Variants in GRIN1 observed in about 807,000 individuals in gnomAD.
GRIN1 encodes glutamate ionotropic receptor NMDA type subunit 1, also known as glutamate receptor ionotropic, NMDA 1.
GRIN1 carries 38 observed loss-of-function variants against 103.0 expected under a neutral mutation model. The observed-to-expected ratio is 0.37, with a 90% confidence interval of 0.28 to 0.48. The LOEUF (loss-of-function observed/expected upper bound fraction) is 0.48. Ranked by LOEUF, GRIN1 falls within the 20% of genes least tolerant of loss-of-function variation. The probability of loss-of-function intolerance (pLI) is 0.98; values close to 1 mark genes in which losing one functional copy is unlikely to be tolerated. For synonymous variants in GRIN1, 544 were observed against 532.7 expected (o/e 1.02, Z -0.29); for missense variants, 577 against 1,288.9 (o/e 0.45, Z 8.46).
intron 4 of GRIN1, among the ~76,000 whole-genome samples, chr9:137,153,327 C>A (rs1433193407): frequency 1.3e-5 from 2 of 151,716 alleles, no homozygotes; most frequent in African/African-American, 2.4e-5. Context: ...ATCATCTCTA[C>A]CCACACATGC....
chr9:137,164,084 GC>G, intron 18 of GRIN1, 180 bp downstream of exon 18: 1 of 760,414 alleles, frequency 1.3e-6, no homozygotes, highest in South Asian at 1.5e-5. Flanking sequence ...GTGGGGGGCT[GC>G]CTGCAGGTGG....
At chr9:137,148,982 C>G in intron 3 of GRIN1, 27 bp from the exon 4 acceptor site, 1 of 1,552,420 alleles carries the variant, frequency 6.4e-7, no homozygotes, top group Non-Finnish European at 8.9e-7. Context: ...CCCCAGCCGC[C>G]TGCTAACACT....
chr9:137,161,514 G>T, intron 10 of GRIN1, 98 bp downstream of exon 10: 1 of 1,182,682 alleles, frequency 8.5e-7, no homozygotes, highest in African/African-American at 1.5e-5. Flanking sequence ...GCAGATGGTG[G>T]GGGGTCCTGG....
chr9:137,145,682 C>G, intron 2 of GRIN1, 44 bp from the exon 3 acceptor site: 2 of 1,553,838 alleles, frequency 1.3e-6, no homozygotes, highest in Non-Finnish European at 1.8e-6. Flanking sequence ...GAGGGCGGGT[C>G]CCCGCGGGTC....
At position 137,162,003 on chromosome 9, in the gene GRIN1, C is replaced by T; in HGVS notation, c.1547C>T (p.Pro516Leu). 6.4e-7 allele frequency: 1 copy of T among 1,557,988 alleles called. No individual in the cohort carries two copies. Among genetic ancestry groups the T allele is most frequent in the East Asian group, 2.4e-5 (1 of 41,618 alleles). ...GGGCAGGCAGACATGATCGTGGCGC[C>T]GCTAACCATAAACAACGAGCGCGCG... ...LSGQADMIVA[P>L]LTINNERAQY... Residue 516 changes from proline (P) to leucine (L), a missense_variant, in exon 11 of 20, where the codon CCG becomes CTG. Transcript: ENST00000371561.
chr9:137,142,617 G>C (rs1430632922), intron 2 of GRIN1, among the ~76,000 whole-genome samples: 2 of 152,218 alleles, frequency 1.3e-5, no homozygotes, highest in African/African-American at 4.8e-5. Flanking sequence ...ACCCCCTCAG[G>C]ACGAGAGGGC....
intron 2 of GRIN1, among the ~76,000 whole-genome samples, chr9:137,145,173 T>C (rs9722298): frequency 0.069 from 138 of 2,008 alleles, 41 homozygotes; most frequent in African/African-American, 0.36. Flanking sequence ...TCCCAGGGTC[T>C]AGAAAGTGTC....
chr9:137,165,369 A>G (rs183129261), intron 19 of GRIN1, 73 bp downstream of exon 19: 1 of 960,852 alleles, frequency 1.0e-6, no homozygotes, highest in East Asian at 2.4e-5. Context: ...CCGCCCCATC[A>G]CCCCGCCCCG....
At chr9:137,165,466 T>C in intron 19 of GRIN1, 170 bp downstream of exon 19, 1 of 654,552 alleles carries the variant, frequency 1.5e-6, no homozygotes, top group Non-Finnish European at 2.8e-6. Flanking sequence ...TCTCTCACTC[T>C]CTGGACCTTT....
intron 16 of GRIN1, 38 bp from the exon 17 acceptor site, chr9:137,163,521 C>A (rs766054727): frequency 6.4e-6 from 8 of 1,247,134 alleles, no homozygotes; most frequent in Non-Finnish European, 9.4e-6. Flanking sequence ...CCGTCCTGGG[C>A]CCCGCCTCAC....
rs201343933 is a variant in GRIN1, at chr9:137,156,702, C to A, written c.705C>A (p.Ala235=). ...EDDAATVYRA[A]AMLNMTGSGY... is the part of the protein sequence containing the mutation. ...ATGCTGCCACTGTATACCGCGCAGC[C>A]GCGATGCTGAACATGACGGGCTCCG... is the stretch of plus-strand genomic sequence containing the variant. Residue 235 remains alanine, a synonymous_variant, in exon 5 of 20, where the codon GCC becomes GCA. Transcript: ENST00000371561. The A allele has an allele frequency of 6.3e-7, 1 of 1,596,494 alleles. No individual in the cohort carries two copies. Among genetic ancestry groups the A allele is most frequent in the African/African-American group, 1.3e-5 (1 of 74,588 alleles).
intron 4 of GRIN1, among the ~76,000 whole-genome samples, chr9:137,153,057 G>T (rs796459779): frequency 5.2e-5 from 7 of 135,424 alleles, no homozygotes; most frequent in African/African-American, 1.1e-4. Context: ...ACACATACAC[G>T]TGCACACATG....
At chr9:137,161,456 G>T in intron 10 of GRIN1, 40 bp downstream of exon 10, 1 of 1,590,766 alleles carries the variant, frequency 6.3e-7, no homozygotes, top group Non-Finnish European at 8.6e-7. Flanking sequence ...CGTGAGAGGG[G>T]CCTGCAGGCG....
In GRIN1 at chr9:137,145,761, C is replaced by A; in HGVS notation, c.429C>A (p.Pro143=). The A allele has an allele frequency of 6.2e-7, 1 of 1,613,510 alleles. No homozygotes were observed. Among genetic ancestry groups the A allele is most frequent in the Non-Finnish European group, 8.5e-7 (1 of 1,179,646 alleles). Residue 143 remains proline (P), a synonymous_variant, in exon 3 of 20, where the codon CCC becomes CCA. Coordinates refer to ENST00000371561, the MANE Select transcript of GRIN1 (RefSeq NM_007327.4). ...IHLSFLRTVP[P]YSHQSSVWFE... Reference sequence around the variant, plus strand: ...TGAGCTTCCTGCGCACCGTGCCGCCCTACTCCCACCAGTCCAGCGTGTGGT... The same window carrying A: ...TGAGCTTCCTGCGCACCGTGCCGCCATACTCCCACCAGTCCAGCGTGTGGT...
At chr9:137,161,249 G>A in intron 9 of GRIN1, 40 bp from the exon 10 acceptor site, 1 of 1,610,934 alleles carries the variant, frequency 6.2e-7, no homozygotes, top group Non-Finnish European at 8.5e-7. Flanking sequence ...GGGGCGTGGG[G>A]CGGTCTGGAG....
At chr9:137,164,320 C>G in intron 18 of GRIN1, 1 of 316,898 alleles carries the variant, frequency 3.2e-6, no homozygotes, top group East Asian at 8.7e-5. Flanking sequence ...CCCTTTCCTG[C>G]TATGTCCTTG....
intron 4 of GRIN1, among the ~76,000 whole-genome samples, chr9:137,155,723 T>C (rs1205827122): frequency 6.6e-6 from 1 of 152,182 alleles, no homozygotes; most frequent in Non-Finnish European, 1.5e-5. Context: ...CTCCAGGTCC[T>C]TGTCATAACC....
chr9:137,156,131 C>T (rs1357095579), intron 4 of GRIN1, among the ~76,000 whole-genome samples: 2 of 152,228 alleles, frequency 1.3e-5, no homozygotes, highest in Non-Finnish European at 2.9e-5. Context: ...CCCCTCGGGA[C>T]ACAGAGATAT....
intron 3 of GRIN1, among the ~76,000 whole-genome samples, chr9:137,148,528 C>T (rs1292548709): frequency 6.6e-6 from 1 of 152,252 alleles, no homozygotes; most frequent in Non-Finnish European, 1.5e-5. Flanking sequence ...AGGGAGCCCG[C>T]CCGCCTGGCC....
Sources: allele counts gnomAD v4.1 joint callset (sites outside exome capture counted in the v4.1 genomes callset), GRCh38; gene constraint gnomAD v4.1.1; transcripts MANE v1.5; gene names NCBI Gene and HGNC (gene_info 2026-07-23, HGNC 2026-07-21).